Variants in CNTN5 observed in about 807,000 individuals in gnomAD.
The protein encoded by CNTN5 is contactin-5.
A neutral mutation model predicts 129.1 loss-of-function variants in CNTN5; 77 were observed. That is an observed-to-expected ratio of 0.60 (90% CI 0.50 to 0.72). The LOEUF (loss-of-function observed/expected upper bound fraction) is 0.72, where lower values mean the gene tolerates loss of function less well. Ranked by LOEUF, CNTN5 falls within the 30% of genes least tolerant of loss-of-function variation. The pLI is 0.00. For synonymous variants in CNTN5, 509 were observed against 465.6 expected, an observed-to-expected ratio of 1.09 and a Z score of -1.20; for missense variants, 1,478 against 1,328.8, an observed-to-expected ratio of 1.11 and a Z score of -1.75.
At chr11:100,205,933 G>A (rs1450742518) in intron 15 of CNTN5, among the ~76,000 whole-genome samples, 2 of 152,088 alleles carry the variant, frequency 1.3e-5, no homozygotes, top group African/African-American at 4.8e-5. Context: ...ATGGAAATAA[G>A]TGGAGCATTC....
chr11:99,870,270 A>T (rs1032507969), intron 6 of CNTN5, among the ~76,000 whole-genome samples: 2 of 152,088 alleles, frequency 1.3e-5, no homozygotes, highest in Non-Finnish European at 2.9e-5. Flanking sequence ...CTCCTGTGAC[A>T]GTGTGAAAGT....
intron 3 of CNTN5, among the ~76,000 whole-genome samples, chr11:99,765,084 T>C (rs1944708115): frequency 6.6e-6 from 1 of 152,078 alleles, no homozygotes; most frequent in African/African-American, 2.4e-5. Context: ...TTGTTAGATA[T>C]GGAAGATAAT....
At chr11:99,187,957 T>C (rs2135583365) in intron 1 of CNTN5, among the ~76,000 whole-genome samples, 2 of 151,992 alleles carry the variant, frequency 1.3e-5, no homozygotes, top group East Asian at 3.9e-4. Context: ...GTGGTTACTA[T>C]TATAAATATA....
chr11:99,477,463 C>G (rs1340816097), intron 2 of CNTN5, among the ~76,000 whole-genome samples: 1 of 151,674 alleles, frequency 6.6e-6, no homozygotes, highest in Non-Finnish European at 1.5e-5. Context: ...TTTCTTCTGG[C>G]TTTCACCATA....
chr11:99,640,390 A>C (rs539195108), intron 3 of CNTN5, among the ~76,000 whole-genome samples: 1 of 152,330 alleles, frequency 6.6e-6, no homozygotes, highest in South Asian at 2.1e-4. Context: ...GCAAAAGAGA[A>C]AATGAGGAAG....
intron 1 of CNTN5, among the ~76,000 whole-genome samples, chr11:99,035,574 C>G (rs913615263): frequency 7.5e-5 from 11 of 146,796 alleles, no homozygotes; most frequent in Non-Finnish European, 1.4e-4. Context: ...TCTGTTTTAT[C>G]AGAGACTAGG....
intron 6 of CNTN5, among the ~76,000 whole-genome samples, chr11:99,867,101 G>A (rs1184943699): frequency 1.3e-5 from 2 of 152,198 alleles, no homozygotes; most frequent in African/African-American, 4.8e-5. Context: ...CTTGATCTGA[G>A]TGACTTCAAA....
At chr11:100,075,045 TTTTG>T (rs1944073866) in intron 13 of CNTN5, among the ~76,000 whole-genome samples, 1 of 152,196 alleles carries the variant, frequency 6.6e-6, no homozygotes, top group Non-Finnish European at 1.5e-5. Flanking sequence ...CTGTATTAGA[TTTTG>T]TTTAATTGAT....
chr11:99,503,258 G>A (rs112939069), intron 2 of CNTN5, among the ~76,000 whole-genome samples: 6,479 of 152,180 alleles, frequency 0.043, 174 homozygotes, highest in South Asian at 0.084. Flanking sequence ...TTACTAGAAT[G>A]TGAGACAACC....
chr11:100,043,379 A>G (rs1403390959), intron 9 of CNTN5, among the ~76,000 whole-genome samples: 1 of 152,192 alleles, frequency 6.6e-6, no homozygotes, highest in Non-Finnish European at 1.5e-5. Context: ...TAGCCACTCT[A>G]TCAATTTTTA....
Position 99,146,298 on chromosome 11 carries a change from C to T in CNTN5, c.-210+125028C>T, listed in dbSNP as rs537343383. 3.5e-4 allele frequency among the ~76,000 whole-genome samples: 53 copies of T among 152,014 alleles called. 1 individual carries two copies. In the Middle Eastern group the frequency reaches 0.024, roughly 68 times the overall value. ...AAAGGAAATATATAGGTATATAATTCGTTTATCCATTTGCAAAATGCTGTG... is the reference window on the plus strand; with the variant it reads ...AAAGGAAATATATAGGTATATAATTTGTTTATCCATTTGCAAAATGCTGTG... On this transcript the variant is annotated intron_variant, in intron 1 of 24. Coordinates refer to ENST00000524871, the MANE Select transcript of CNTN5 (RefSeq NM_014361.4).
intron 13 of CNTN5, among the ~76,000 whole-genome samples, chr11:100,142,729 CATT>C (rs1325782709): frequency 6.6e-6 from 1 of 152,010 alleles, no homozygotes; most frequent in African/African-American, 2.4e-5. Flanking sequence ...ACCCTGAACA[CATT>C]ATTTTTTCAC....
intron 9 of CNTN5, among the ~76,000 whole-genome samples, chr11:100,057,532 T>G (rs1456663390): frequency 6.6e-6 from 1 of 151,904 alleles, no homozygotes; most frequent in African/African-American, 2.4e-5. Flanking sequence ...CATAAGCATT[T>G]ATTAACAATA....
intron 3 of CNTN5, among the ~76,000 whole-genome samples, chr11:99,790,821 C>G (rs529937705): frequency 2.6e-5 from 4 of 152,060 alleles, no homozygotes; most frequent in African/African-American, 9.7e-5. Context: ...TCTGCAACCT[C>G]GCCAGCATGT....
chr11:100,116,358 T>C (rs952827003), intron 13 of CNTN5, among the ~76,000 whole-genome samples: 9 of 152,044 alleles, frequency 5.9e-5, no homozygotes, highest in Non-Finnish European at 8.8e-5. Context: ...ATTGATGTTA[T>C]GTAATTGTCA....
chr11:100,005,193 T>C (rs1380890621), intron 9 of CNTN5, among the ~76,000 whole-genome samples: 1 of 152,186 alleles, frequency 6.6e-6, no homozygotes, highest in Non-Finnish European at 1.5e-5. Flanking sequence ...AAATATTCCA[T>C]CTACTTAATC....
At chr11:99,953,090 T>G (rs1950714923) in intron 7 of CNTN5, among the ~76,000 whole-genome samples, 1 of 152,206 alleles carries the variant, frequency 6.6e-6, no homozygotes, top group Admixed American at 6.5e-5. Flanking sequence ...ATCACTGTGA[T>G]TACTCATTGA....
intron 2 of CNTN5, among the ~76,000 whole-genome samples, chr11:99,433,578 A>G (rs1249659652): frequency 1.3e-5 from 2 of 151,952 alleles, no homozygotes; most frequent in East Asian, 3.8e-4. Flanking sequence ...TTTATTTCTA[A>G]TCTTCTCTGA....
At chr11:99,163,429 A>G (rs10732861) in intron 1 of CNTN5, among the ~76,000 whole-genome samples, 129,512 of 151,946 alleles carry the variant, frequency 0.85, 55,638 homozygotes, top group East Asian at 0.99. Context: ...AGTTTTCTCC[A>G]ATTATTTTAA....
Sources: gnomAD v4.1 joint callset for allele counts (sites outside exome capture counted in the v4.1 genomes callset) on GRCh38, gnomAD v4.1.1 for gene constraint, MANE v1.5 for transcripts, NCBI Gene and HGNC (gene_info 2026-07-23, HGNC 2026-07-21) for gene names.